CCDC102B: variants seen among roughly 807,000 people sequenced by gnomAD.
The protein encoded by CCDC102B is coiled-coil domain-containing protein 102B.
Under a neutral mutation model 57.4 loss-of-function variants are expected in CCDC102B, and 75 were observed. That is an observed-to-expected ratio of 1.31 (90% CI 1.08 to 1.58). The LOEUF (loss-of-function observed/expected upper bound fraction) is 1.58. Among genes scored for constraint, CCDC102B ranks in the 40% most tolerant of loss-of-function variants. The probability of loss-of-function intolerance (pLI) is 0.00; values close to 1 mark genes in which losing one functional copy is unlikely to be tolerated. For synonymous variants in CCDC102B, 206 were observed against 201.9 expected, an observed-to-expected ratio of 1.02 and a Z score of -0.17; for missense variants, 636 against 582.6, an observed-to-expected ratio of 1.09 and a Z score of -0.94.
At chr18:68,801,162 A>C (rs370760025) in intron 1 of CCDC102B, among the ~76,000 whole-genome samples, 4 of 152,138 alleles carry the variant, frequency 2.6e-5, no homozygotes, top group Admixed American at 2.0e-4. Flanking sequence ...GTTGAAATGC[A>C]AAGATTTGGT....
At chr18:68,819,892 A>G (rs1253930969) in intron 1 of CCDC102B, among the ~76,000 whole-genome samples, 2 of 152,064 alleles carry the variant, frequency 1.3e-5, no homozygotes, top group Non-Finnish European at 2.9e-5. Context: ...TGGTTTCTAA[A>G]ATGTAGAAAT....
intron 7 of CCDC102B, among the ~76,000 whole-genome samples, chr18:69,022,873 A>G (rs367682992): frequency 1.3e-5 from 2 of 152,196 alleles, no homozygotes; most frequent in African/African-American, 4.8e-5. Context: ...GGGGAAAGGT[A>G]CAGGGTCTTT....
chr18:69,007,832 G>A (rs1407658021), intron 6 of CCDC102B, among the ~76,000 whole-genome samples: 2 of 152,098 alleles, frequency 1.3e-5, no homozygotes, highest in Non-Finnish European at 2.9e-5. Context: ...GGCCGGGGTG[G>A]AATTTGCGTT....
intron 4 of CCDC102B, among the ~76,000 whole-genome samples, chr18:68,852,503 C>A (rs900390632): frequency 2.6e-5 from 4 of 152,108 alleles, no homozygotes; most frequent in African/African-American, 7.2e-5. Context: ...TCCTAATACA[C>A]CATTTCTAGA....
intron 6 of CCDC102B, among the ~76,000 whole-genome samples, chr18:68,991,499 T>A (rs2050866414): frequency 1.3e-5 from 2 of 152,090 alleles, no homozygotes; most frequent in Non-Finnish European, 2.9e-5. Context: ...TGTGTGGGAG[T>A]AATGCATTTC....
intron 6 of CCDC102B, among the ~76,000 whole-genome samples, chr18:68,935,756 A>C (rs1033235935): frequency 6.6e-6 from 1 of 151,938 alleles, no homozygotes; most frequent in Non-Finnish European, 1.5e-5. Flanking sequence ...AGGGATACTG[A>C]GAATGAGTGG....
At chr18:69,007,948 C>T (rs1023435282) in intron 6 of CCDC102B, among the ~76,000 whole-genome samples, 1 of 152,136 alleles carries the variant, frequency 6.6e-6, no homozygotes, top group Non-Finnish European at 1.5e-5. Context: ...CCTTTTAAAT[C>T]GGTCTAAGTA....
chr18:68,741,971 G>C (rs114637720), intron 2 of CCDC102B, among the ~76,000 whole-genome samples: 1 of 152,184 alleles, frequency 6.6e-6, no homozygotes, highest in African/African-American at 2.4e-5. Flanking sequence ...AAACGGAGAC[G>C]TGAGGGTTCA....
In CCDC102B at chr18:68,912,769, A is replaced by G. The variant is rs571045429; in HGVS notation, c.1263+15341A>G. 5.3e-5 allele frequency among the ~76,000 whole-genome samples: 8 copies of G among 152,338 alleles called. No individual in the cohort carries two copies. The East Asian group carries it at 1.5e-3, about 29-fold the overall frequency. ...CTTATTATTTGATTTTGGCCAAGTA[A>G]TACTCTTTGTAATACACTTCAGTCT... On this transcript the variant is annotated intron_variant, in intron 6 of 7. Transcript: ENST00000360242.
intron 5 of CCDC102B, among the ~76,000 whole-genome samples, chr18:68,896,784 A>G (rs1020962909): frequency 6.6e-6 from 1 of 152,002 alleles, no homozygotes. Context: ...AGAGATAGAG[A>G]TAGAGAGATC....
chr18:68,871,140 T>C (rs142135396), intron 4 of CCDC102B, among the ~76,000 whole-genome samples: 8 of 152,188 alleles, frequency 5.3e-5, no homozygotes, highest in African/African-American at 1.9e-4. Context: ...AAACAGAGGA[T>C]TTTTAAACAG....
intron 6 of CCDC102B, among the ~76,000 whole-genome samples, chr18:68,972,389 C>T (rs2050325281): frequency 6.6e-6 from 1 of 151,670 alleles, no homozygotes. Flanking sequence ...TATCTGATTG[C>T]GAGGGAAACC....
At chr18:69,019,252 T>C (rs921471864) in intron 7 of CCDC102B, among the ~76,000 whole-genome samples, 8 of 152,096 alleles carry the variant, frequency 5.3e-5, no homozygotes, top group Non-Finnish European at 8.8e-5. Flanking sequence ...AAAAATATCA[T>C]TGGAAATTTC....
At position 68,854,305 on chromosome 18, in the gene CCDC102B, A is replaced by G. The variant is rs1599570417; in HGVS notation, c.936+7884A>G. 2.0e-5 allele frequency among the ~76,000 whole-genome samples: 3 copies of G among 152,140 alleles called. No homozygotes were observed. The East Asian group carries it at 5.8e-4, about 30-fold the overall frequency. On this transcript the variant is annotated intron_variant, in intron 4 of 7. Coordinates refer to ENST00000360242, the MANE Select transcript of CCDC102B (RefSeq NM_024781.3). The stretch of plus-strand genomic sequence containing the variant: ...AGTAGAGAAAGGGATTCTCCATGTT[A>G]GTTAGGCTGGTCTGGAACTCCCGAC...
At chr18:68,956,360 A>AAATATATATT (rs2049856442) in intron 6 of CCDC102B, among the ~76,000 whole-genome samples, 3 of 74,942 alleles carry the variant, frequency 4.0e-5, no homozygotes, top group African/African-American at 1.1e-4. Flanking sequence ...TAATATATAT[A>AAATATATATT]ATATATATAT....
At chr18:68,824,168 C>T (rs1360525907) in intron 1 of CCDC102B, among the ~76,000 whole-genome samples, 8 of 152,032 alleles carry the variant, frequency 5.3e-5, no homozygotes, top group Non-Finnish European at 1.2e-4. Context: ...GTTTTCTTTT[C>T]GGAATTTTAT....
chr18:68,764,532 T>C (rs1438600830), intron 2 of CCDC102B, among the ~76,000 whole-genome samples: 1 of 152,136 alleles, frequency 6.6e-6, no homozygotes, highest in Non-Finnish European at 1.5e-5. Flanking sequence ...ATTATAAAGA[T>C]AAAAACATAA....
intron 6 of CCDC102B, among the ~76,000 whole-genome samples, chr18:68,964,641 T>C (rs1355128872): frequency 6.6e-6 from 1 of 151,928 alleles, no homozygotes; most frequent in Non-Finnish European, 1.5e-5. Flanking sequence ...TATGTCTTTA[T>C]ATTTAAAGTG....
chr18:68,911,706 C>A (rs550367015), intron 6 of CCDC102B, among the ~76,000 whole-genome samples: 31 of 121,592 alleles, frequency 2.5e-4, no homozygotes, highest in Non-Finnish European at 4.4e-4. Context: ...GAGCCGAGAT[C>A]GCGCCACTGC....
Sources: allele counts gnomAD v4.1 joint callset (sites outside exome capture counted in the v4.1 genomes callset), GRCh38; gene constraint gnomAD v4.1.1; transcripts MANE v1.5; gene names NCBI Gene and HGNC (gene_info 2026-07-23, HGNC 2026-07-21).